Variants in PGLS observed in about 807,000 individuals in gnomAD.
The protein encoded by PGLS is 6-phosphogluconolactonase.
PGLS carries 21 observed loss-of-function variants against 23.2 expected under a neutral mutation model. The ratio of observed to expected loss-of-function variants is 0.91; its 90% confidence interval spans 0.64 to 1.31. The LOEUF is 1.31. Ranked by LOEUF, PGLS falls within the 50% of genes most tolerant of loss-of-function variation. PGLS has a pLI of 0.00. For synonymous variants in PGLS, 179 were observed against 165.4 expected, an observed-to-expected ratio of 1.08 and a Z score of -0.63; for missense variants, 410 against 354.0, an observed-to-expected ratio of 1.16 and a Z score of -1.27.
At chr19:17,518,611 A>G (rs1400875594) in intron 4 of PGLS, 2 of 151,950 alleles carry the variant, frequency 1.3e-5, no homozygotes, top group Admixed American at 6.6e-5. Flanking sequence ...GCTCGCTACA[A>G]TCTCTACCTC....
At chr19:17,516,442 G>C in intron 2 of PGLS, 162 bp downstream of exon 2, 1 of 1,412,530 alleles carries the variant, frequency 7.1e-7, no homozygotes, top group African/African-American at 1.4e-5. Flanking sequence ...CTGCCCTGGG[G>C]AGCCTGAAGG....
intron 2 of PGLS, among the ~76,000 whole-genome samples, chr19:17,516,985 A>G (rs1161125675): frequency 6.6e-6 from 1 of 150,626 alleles, no homozygotes; most frequent in African/African-American, 2.4e-5. Flanking sequence ...CCCGGGCTCA[A>G]GTGATTATCC....
At chr19:17,518,444 A>C (rs1286239899) in intron 4 of PGLS, 1 of 152,220 alleles carries the variant, frequency 6.6e-6, no homozygotes, top group African/African-American at 2.4e-5. Context: ...AAATAAACTA[A>C]ATAATTAAAA....
At chr19:17,518,541 T>A (rs1388082001) in intron 4 of PGLS, 2 of 152,104 alleles carry the variant, frequency 1.3e-5, no homozygotes, top group African/African-American at 4.8e-5. Context: ...TTTTGTGTTA[T>A]TGTTGTTGAG....
At position 17,511,977 on chromosome 19, in the gene PGLS, C is replaced by A; in HGVS notation, c.288+17C>A. The A allele has an allele frequency of 1.3e-6, 2 of 1,533,706 alleles. No individual in the cohort carries two copies. The highest frequency in any genetic ancestry group is 1.8e-6 in the Non-Finnish European group (2 of 1,141,700). ...CTCTACCGGGTGAGAGCTACGGGGG[C>A]CGCCGGGGATCACGCCGAGAGGGCC... On this transcript the variant is annotated intron_variant, in intron 1 of 4. Coordinates refer to ENST00000252603, the MANE Select transcript of PGLS (RefSeq NM_012088.3).
At chr19:17,516,559 C>A (rs1406609709) in intron 2 of PGLS, 1 of 1,123,426 alleles carries the variant, frequency 8.9e-7, no homozygotes, top group Non-Finnish European at 1.1e-6. Flanking sequence ...AGCACTGTTT[C>A]CTGCGTTACA....
At chr19:17,516,473 A>G in intron 2 of PGLS, 193 bp downstream of exon 2, 13 of 1,393,280 alleles carry the variant, frequency 9.3e-6, no homozygotes, top group Non-Finnish European at 1.2e-5. Flanking sequence ...TCTGTTGCCC[A>G]GGTAACAGGC....
chr19:17,521,227 C>CG lies in PGLS; in HGVS notation c.*150dup. The CG allele has an allele frequency of 1.4e-6, 1 of 739,498 alleles. No homozygotes were observed. The allele number at this position is 739,498 out of a possible 1,614,324, so 45.8% of individuals were successfully genotyped here. A position where few individuals can be genotyped will look rare whatever the true frequency, so the allele number is the denominator to read the frequency against. ...ACAGCCTCCGGCCAGCAGCCCTACCCGGGGCTCAACACACAGGCTGTGGCT... is the reference window on the plus strand; with the variant it reads ...ACAGCCTCCGGCCAGCAGCCCTACCCGGGGGCTCAACACACAGGCTGTGGCT... On this transcript the variant is annotated 3_prime_UTR_variant, in exon 5 of 5. Transcript: ENST00000252603.
intron 1 of PGLS, among the ~76,000 whole-genome samples, chr19:17,513,908 G>A (rs1384180691): frequency 6.6e-6 from 1 of 152,214 alleles, no homozygotes; most frequent in Non-Finnish European, 1.5e-5. Context: ...CTGAGAAGGT[G>A]CCATTTGAGC....
rs761600838 is a variant in PGLS, at chr19:17,516,290, G to A, written c.396+10G>A. 11 of 1,611,942 alleles carry A rather than the reference G, an allele frequency of 6.8e-6. No homozygotes were observed. Among genetic ancestry groups the A allele is most frequent in the East Asian group, 2.2e-5 (1 of 44,782 alleles). On this transcript the variant is annotated intron_variant, in intron 2 of 4. Transcript: ENST00000252603. ...CAAGAAGCTGAGACAGGTGAGCCCC[G>A]AGGAGCGGCCGCAAGGGAGTCACAT...
intron 1 of PGLS, among the ~76,000 whole-genome samples, chr19:17,514,197 G>A (rs976105433): frequency 6.6e-6 from 1 of 152,158 alleles, no homozygotes; most frequent in Non-Finnish European, 1.5e-5. Context: ...AAAGCTCTTT[G>A]GGAGGATCCT....
At chr19:17,515,958 C>T (rs1599689399) in intron 1 of PGLS, 1 of 464,878 alleles carries the variant, frequency 2.2e-6, no homozygotes, top group Non-Finnish European at 4.0e-6. Flanking sequence ...GCGGCGTCAC[C>T]CAGGGCTCAG....
intron 1 of PGLS, among the ~76,000 whole-genome samples, chr19:17,513,432 C>CAGGAGTGAG (rs1298088898): frequency 1.3e-5 from 2 of 150,640 alleles, no homozygotes; most frequent in African/African-American, 4.9e-5. Context: ...GAGGCTGAGG[C>CAGGAGTGAG]AGGAGTGAGG....
rs2144639184 is a variant in PGLS, at chr19:17,511,700, TCG to T, written c.29_30del (p.Ser10CysfsTer59). On this transcript the variant is annotated frameshift_variant, in exon 1 of 5. Coordinates refer to ENST00000252603, the MANE Select transcript of PGLS (RefSeq NM_012088.3). LOFTEE classifies it high-confidence loss of function. MAAPAPGLISVFSSSQELGA... is the reference protein window; with the variant it reads MAAPAPGLIXVFSSSQELGA... ...GGCCGCGCCGGCCCCGGGCCTCATC[TCG>T]GTGTTCTCGAGTTCCCAGGAGCTGG... The T allele has an allele frequency of 6.6e-7, 1 of 1,508,170 alleles. No individual in the cohort carries two copies. The allele number at this position is 1,508,170 out of a possible 1,614,324, so 93.4% of individuals were successfully genotyped here.
At chr19:17,512,343 T>A in intron 1 of PGLS, 2 of 265,716 alleles carry the variant, frequency 7.5e-6, no homozygotes, top group South Asian at 9.3e-5. Context: ...CTGCGCCCTC[T>A]GCCTTTATCT....
intron 1 of PGLS, among the ~76,000 whole-genome samples, chr19:17,515,292 A>G (rs906060766): frequency 6.6e-5 from 10 of 152,140 alleles, no homozygotes; most frequent in Admixed American, 5.9e-4. Flanking sequence ...CAGGGCAGTC[A>G]GCCCCTGCGT....
chr19:17,514,181 C>T (rs576214886), intron 1 of PGLS, among the ~76,000 whole-genome samples: 1 of 152,292 alleles, frequency 6.6e-6, no homozygotes, highest in South Asian at 2.1e-4. Context: ...GGTCACGCCC[C>T]ATCTGAAAGC....
Position 17,521,050 on chromosome 19 carries a change from C to G in PGLS, c.746C>G (p.Thr249Ser). ...GACGAGGCGGCCGCCCGCCTCCTGA[C>G]CGTGCCCTTCGAGAAGCATTCCACT... ...FLDEAAARLL[T>S]VPFEKHSTL Residue 249 changes from threonine (T) to serine (S), a missense_variant, in exon 5 of 5, where the codon ACC becomes AGC. Physicochemically the swap from Thr to Ser is moderately conservative, Grantham distance 58. Coordinates refer to ENST00000252603, the MANE Select transcript of PGLS (RefSeq NM_012088.3). 1 of 1,602,808 alleles carries G rather than the reference C, an allele frequency of 6.2e-7. No homozygotes were observed. The highest frequency in any genetic ancestry group is 1.7e-4 in the Middle Eastern group (1 of 6,036).
Position 17,516,212 on chromosome 19 carries a change from G to T in PGLS, c.328G>T (p.Val110Leu). ...LSRLPIPESQ[V>L]ITINPELPVE... ...CAGACTGCCGATCCCAGAAAGCCAG[G>T]TGATCACCATTAACCCCGAGCTGCC... Residue 110 changes from valine (V) to leucine (L), a missense_variant, in exon 2 of 5, where the codon GTG becomes TTG. Physicochemically the swap from Val to Leu is conservative, Grantham distance 32. Coordinates refer to ENST00000252603, the MANE Select transcript of PGLS (RefSeq NM_012088.3). The T allele has an allele frequency of 2.5e-6, 4 of 1,614,114 alleles. No homozygotes were observed. Among genetic ancestry groups the T allele is most frequent in the Non-Finnish European group, 3.4e-6 (4 of 1,179,978 alleles).
Sources: allele counts gnomAD v4.1 joint callset (sites outside exome capture counted in the v4.1 genomes callset), GRCh38; gene constraint gnomAD v4.1.1; transcripts MANE v1.5; gene names NCBI Gene and HGNC (gene_info 2026-07-23, HGNC 2026-07-21).